The following SPAG16 variants were observed in gnomAD, a reference collection of about 807,000 sequenced individuals.
SPAG16 encodes the protein sperm associated antigen 16, also known as sperm-associated antigen 16 protein.
Under a neutral mutation model 80.4 loss-of-function variants are expected in SPAG16, and 86 were observed. The observed-to-expected ratio is 1.07, with a 90% CI of 0.90 to 1.28. The LOEUF is 1.28. Among genes scored for constraint, SPAG16 ranks in the 50% most tolerant of loss-of-function variants. The pLI, the probability that SPAG16 is intolerant of heterozygous loss-of-function variation, is 0.00. For missense variants in SPAG16, 870 were observed against 765.3 expected (o/e 1.14, Z -1.61); for synonymous variants, 294 against 265.9 (o/e 1.11, Z -1.03).
At chr2:214,345,989 G>A (rs1051409140) in intron 15 of SPAG16, among the ~76,000 whole-genome samples, 1 of 152,016 alleles carries the variant, frequency 6.6e-6, no homozygotes, top group Admixed American at 6.6e-5. Context: ...TTTCATATTA[G>A]CTTATTACAA....
At position 213,856,595 on chromosome 2, in the gene SPAG16, T is replaced by C. The variant is rs565838716; in HGVS notation, c.1071-5890T>C. On this transcript the variant is annotated intron_variant, in intron 10 of 15. Coordinates refer to ENST00000331683, the MANE Select transcript of SPAG16 (RefSeq NM_024532.5). ...CATGTCTATACATCTTCGGAAACCT[T>C]GGCAGAGGTTCCCAAACCTCAATTC... Among the ~76,000 whole-genome samples, 4 of 152,270 alleles carry C rather than the reference T, an allele frequency of 2.6e-5. No homozygotes were observed. In the East Asian group the frequency reaches 5.8e-4, roughly 22 times the overall value.
chr2:213,648,557 A>C (rs550793893), intron 10 of SPAG16, among the ~76,000 whole-genome samples: 2 of 151,904 alleles, frequency 1.3e-5, no homozygotes, highest in Non-Finnish European at 2.9e-5. Context: ...AAAAAATGAT[A>C]AATGATTCAT....
chr2:213,697,178 G>C (rs1006031874), intron 10 of SPAG16, among the ~76,000 whole-genome samples: 1 of 152,154 alleles, frequency 6.6e-6, no homozygotes, highest in Non-Finnish European at 1.5e-5. Context: ...GCCCTAGATT[G>C]AATCTATTTA....
chr2:214,388,844 T>C (rs1559264287), intron 15 of SPAG16, among the ~76,000 whole-genome samples: 1 of 152,206 alleles, frequency 6.6e-6, no homozygotes, highest in East Asian at 1.9e-4. Context: ...TCTGCTATAT[T>C]TGATACAAAA....
chr2:214,306,082 G>C (rs1170075253), intron 15 of SPAG16, among the ~76,000 whole-genome samples: 2 of 152,058 alleles, frequency 1.3e-5, no homozygotes, highest in African/African-American at 2.4e-5. Context: ...TTCATATAAA[G>C]ATCTTTCACC....
chr2:213,618,565 A>T (rs995511785), intron 10 of SPAG16, among the ~76,000 whole-genome samples: 1 of 152,194 alleles, frequency 6.6e-6, no homozygotes, highest in African/African-American at 2.4e-5. Context: ...TCATAATGCC[A>T]ATCTCTTTAA....
chr2:214,217,932 T>C (rs996049391), intron 15 of SPAG16, among the ~76,000 whole-genome samples: 1 of 152,184 alleles, frequency 6.6e-6, no homozygotes, highest in Non-Finnish European at 1.5e-5. Flanking sequence ...CTTAAAAATG[T>C]TACTGAGGAC....
intron 9 of SPAG16, among the ~76,000 whole-genome samples, chr2:213,464,426 A>G (rs2072562428): frequency 1.3e-5 from 2 of 152,194 alleles, no homozygotes; most frequent in South Asian, 4.1e-4. Flanking sequence ...CCCCTGGGTG[A>G]CAGCAACCTT....
At chr2:214,113,628 G>T (rs1027659560) in intron 14 of SPAG16, among the ~76,000 whole-genome samples, 1 of 152,078 alleles carries the variant, frequency 6.6e-6, no homozygotes, top group Non-Finnish European at 1.5e-5. Context: ...ACTGAAGCTT[G>T]TGCATGCATC....
intron 15 of SPAG16, among the ~76,000 whole-genome samples, chr2:214,357,482 C>T (rs1001800092): frequency 6.6e-6 from 1 of 151,870 alleles, no homozygotes. Flanking sequence ...CTAATCTGCT[C>T]TACCCCCTCC....
At chr2:213,649,312 A>G (rs1219035535) in intron 10 of SPAG16, among the ~76,000 whole-genome samples, 1 of 152,256 alleles carries the variant, frequency 6.6e-6, no homozygotes, top group African/African-American at 2.4e-5. Context: ...TAAATGGAGG[A>G]AAGTTAAACT....
At chr2:213,878,066 C>T (rs989781222) in intron 11 of SPAG16, among the ~76,000 whole-genome samples, 4 of 152,134 alleles carry the variant, frequency 2.6e-5, no homozygotes, top group African/African-American at 4.8e-5. Flanking sequence ...AGAATGGATT[C>T]AGAATACTTC....
chr2:213,518,050 T>A (rs1271790548), intron 10 of SPAG16, among the ~76,000 whole-genome samples: 2 of 152,158 alleles, frequency 1.3e-5, no homozygotes, highest in Non-Finnish European at 2.9e-5. Flanking sequence ...ATTCACAAAC[T>A]ATGCATCTGG....
chr2:214,160,811 C>A lies in SPAG16; in HGVS notation c.1720+11545C>A, dbSNP rs184148323. On this transcript the variant is annotated intron_variant, in intron 15 of 15. Transcript: ENST00000331683. ...ATTAATATATGCCTATCAATTTAAT[C>A]AATTCTGTCTACTTGATAGTATTTC... Among the ~76,000 whole-genome samples, 21 of 152,158 alleles carry A rather than the reference C, an allele frequency of 1.4e-4. No individual in the cohort carries two copies. The East Asian group carries it at 4.1e-3, about 29-fold the overall frequency.
chr2:214,393,532 ATAAT>A (rs1295718965), intron 15 of SPAG16, among the ~76,000 whole-genome samples: 2 of 151,822 alleles, frequency 1.3e-5, no homozygotes, highest in Admixed American at 1.3e-4. Context: ...AAATAGCAAA[ATAAT>A]TAAACTAAAA....
At chr2:214,377,648 G>C (rs1419834444) in intron 15 of SPAG16, among the ~76,000 whole-genome samples, 1 of 152,172 alleles carries the variant, frequency 6.6e-6, no homozygotes, top group Admixed American at 6.6e-5. Context: ...GCTATTAGTA[G>C]TTAAGTTCTG....
At chr2:214,206,570 T>G (rs530492788) in intron 15 of SPAG16, among the ~76,000 whole-genome samples, 7 of 152,342 alleles carry the variant, frequency 4.6e-5, no homozygotes, top group African/African-American at 1.7e-4. Flanking sequence ...TGAATAATGC[T>G]GCAGTAAACA....
chr2:213,916,163 G>C (rs779356691), intron 11 of SPAG16, among the ~76,000 whole-genome samples: 10 of 152,108 alleles, frequency 6.6e-5, no homozygotes, highest in Non-Finnish European at 1.3e-4. Flanking sequence ...ATTGCTTTTG[G>C]TGTTTTAGTC....
Position 213,701,487 on chromosome 2 carries a change from A to G in SPAG16, c.1071-160998A>G, listed in dbSNP as rs190929244. Among the ~76,000 whole-genome samples the G allele has an allele frequency of 9.2e-4, 140 of 152,240 alleles. 1 individual carries two copies. The highest frequency in any genetic ancestry group is 6.9e-3 in the Admixed American group (106 of 15,302). On this transcript the variant is annotated intron_variant, in intron 10 of 15. Transcript: ENST00000331683. ...GAGGAGTCCTTCAGCCCGCTGCTGC[A>G]CTGTGGGAGCCCCTCTCTGGGCTGG...
Sources: allele counts gnomAD v4.1 joint callset (sites outside exome capture counted in the v4.1 genomes callset), GRCh38; gene constraint gnomAD v4.1.1; transcripts MANE v1.5; gene names NCBI Gene and HGNC (gene_info 2026-07-23, HGNC 2026-07-21).